Variants in TMEM117 observed in about 807,000 individuals in gnomAD.
TMEM117 encodes the protein transmembrane protein 117.
TMEM117 carries 27 observed loss-of-function variants against 52.4 expected under a neutral mutation model. That is an observed-to-expected ratio of 0.51 (90% CI 0.38 to 0.71). The LOEUF is 0.71. TMEM117 is among the 30% of genes least tolerant of loss of function. The pLI, the probability that TMEM117 is intolerant of heterozygous loss-of-function variation, is 0.00. For missense variants in TMEM117, 556 were observed against 630.5 expected (o/e 0.88, Z 1.26); for synonymous variants, 215 against 206.3 (o/e 1.04, Z -0.36).
chr12:44,043,789 C>A lies in TMEM117; in HGVS notation c.410+99447C>A, dbSNP rs1946838065. ...ACTTGAAAATAACTGTTTGAGTTCT[C>A]TAGTTTATATAAACAGAAATCTGGA... is the stretch of plus-strand genomic sequence containing the variant. On this transcript the variant is annotated intron_variant, in intron 3 of 7. Coordinates refer to ENST00000266534, the MANE Select transcript of TMEM117 (RefSeq NM_032256.3). Among the ~76,000 whole-genome samples, 3 of 152,076 alleles carry A rather than the reference C, an allele frequency of 2.0e-5. 1 individual carries two copies. The highest frequency in any genetic ancestry group is 4.2e-4 in the South Asian group (2 of 4,814).
chr12:43,866,662 A>G (rs1943605585), intron 2 of TMEM117, among the ~76,000 whole-genome samples: 1 of 152,272 alleles, frequency 6.6e-6, no homozygotes, highest in South Asian at 2.1e-4. Context: ...AGAAATGCTA[A>G]GGAAAGTTCT....
At chr12:44,047,143 A>G (rs1172878727) in intron 3 of TMEM117, among the ~76,000 whole-genome samples, 2 of 152,134 alleles carry the variant, frequency 1.3e-5, no homozygotes, top group African/African-American at 4.8e-5. Context: ...GTATATATAT[A>G]TAGTTCTATT....
chr12:44,186,315 AT>A, intron 4 of TMEM117, among the ~76,000 whole-genome samples: 1 of 152,290 alleles, frequency 6.6e-6, no homozygotes, highest in Middle Eastern at 3.4e-3. Flanking sequence ...TAATCAGAAG[AT>A]TTGTTTCCTC....
intron 3 of TMEM117, among the ~76,000 whole-genome samples, chr12:43,951,208 A>C (rs545517785): frequency 6.6e-6 from 1 of 152,210 alleles, no homozygotes; most frequent in African/African-American, 2.4e-5. Flanking sequence ...TCTCAAGCAC[A>C]AAACTGGGTG....
At chr12:44,094,691 A>G (rs990529534) in intron 3 of TMEM117, among the ~76,000 whole-genome samples, 1 of 151,780 alleles carries the variant, frequency 6.6e-6, no homozygotes, top group Non-Finnish European at 1.5e-5. Context: ...ATTATCACTA[A>G]GAAAATCCAC....
intron 2 of TMEM117, among the ~76,000 whole-genome samples, chr12:43,865,227 G>C (rs1472073709): frequency 6.6e-6 from 1 of 152,148 alleles, no homozygotes; most frequent in Non-Finnish European, 1.5e-5. Context: ...TTTTAGTGCT[G>C]TCTACTGCAG....
chr12:44,089,645 T>A (rs1947630266), intron 3 of TMEM117, among the ~76,000 whole-genome samples: 1 of 152,166 alleles, frequency 6.6e-6, no homozygotes, highest in Admixed American at 6.5e-5. Context: ...TTATCATGAA[T>A]CTATAATTCT....
intron 6 of TMEM117, among the ~76,000 whole-genome samples, chr12:44,319,172 C>T (rs969215166): frequency 4.6e-5 from 7 of 152,214 alleles, no homozygotes; most frequent in Non-Finnish European, 1.0e-4. Context: ...GACTATAATG[C>T]CTGCATGGCC....
At chr12:44,223,681 A>T (rs564506213) in intron 5 of TMEM117, among the ~76,000 whole-genome samples, 3 of 152,132 alleles carry the variant, frequency 2.0e-5, no homozygotes, top group Non-Finnish European at 4.4e-5. Flanking sequence ...TATATAAACT[A>T]TGAGTTTTTC....
intron 2 of TMEM117, among the ~76,000 whole-genome samples, chr12:43,866,028 AG>A (rs757965174): frequency 3.3e-5 from 5 of 151,910 alleles, no homozygotes; most frequent in Non-Finnish European, 7.3e-5. Flanking sequence ...TAGATGATCC[AG>A]AAGCTGGCAT....
chr12:44,245,722 G>A (rs1033440214), intron 5 of TMEM117, among the ~76,000 whole-genome samples: 2 of 151,802 alleles, frequency 1.3e-5, no homozygotes, highest in African/African-American at 4.8e-5. Flanking sequence ...AGCTTAGGGA[G>A]CAACTAACAA....
At chr12:43,951,862 G>C (rs1199633117) in intron 3 of TMEM117, among the ~76,000 whole-genome samples, 4 of 152,210 alleles carry the variant, frequency 2.6e-5, no homozygotes, top group African/African-American at 9.7e-5. Flanking sequence ...CCAAACAGGA[G>C]TCAGCAGACA....
chr12:43,895,160 A>G (rs77669492), intron 2 of TMEM117, among the ~76,000 whole-genome samples: 2,085 of 152,174 alleles, frequency 0.014, 34 homozygotes, highest in African/African-American at 0.048. Flanking sequence ...TCCACTCTCC[A>G]AAAGACCTTA....
intron 3 of TMEM117, among the ~76,000 whole-genome samples, chr12:44,103,718 G>A (rs905714204): frequency 1.3e-5 from 2 of 151,966 alleles, no homozygotes; most frequent in African/African-American, 2.4e-5. Context: ...ACAACTATGA[G>A]GTGACAAATG....
At chr12:43,806,104 C>A in the TMEM117 span, 3 of 1,522,332 alleles carry the variant, frequency 2.0e-6, no homozygotes, top group Non-Finnish European at 2.6e-6. Flanking sequence ...GCTCGCCCCG[C>A]GAGACCGACT....
At chr12:44,292,804 T>C (rs981092175) in intron 5 of TMEM117, among the ~76,000 whole-genome samples, 3 of 152,046 alleles carry the variant, frequency 2.0e-5, no homozygotes, top group African/African-American at 7.2e-5. Flanking sequence ...GGTTTCATAC[T>C]ATTGTGGTCA....
At position 44,376,724 on chromosome 12, in the gene TMEM117, G is replaced by A; in HGVS notation, c.898G>A (p.Gly300Ser). The A allele has an allele frequency of 6.3e-7, 1 of 1,597,600 alleles. No homozygotes were observed. The highest frequency in any genetic ancestry group is 8.5e-7 in the Non-Finnish European group (1 of 1,174,776). Residue 300 changes from glycine to serine, a missense_variant and splice_region_variant, in exon 7 of 8, where the codon GGC (glycine) becomes AGC (serine). By Grantham distance (56) the Gly-to-Ser change is moderately conservative (BLOSUM62 0). Around this residue, in one of 3 missense-constraint regions of TMEM117, gnomAD observed 328 missense variants for 371.4 expected, o/e 0.88. Transcript: ENST00000266534. Reference sequence around the variant, plus strand: ...GGAGGAATATCGTATTCACATAACAGGTGTGTTATATCTTTGAACACAATT... The same window carrying A: ...GGAGGAATATCGTATTCACATAACAAGTGTGTTATATCTTTGAACACAATT... Reference protein sequence around the residue: ...FKEEYRIHITGKWFNYGIIFL... With the variant: ...FKEEYRIHITSKWFNYGIIFL...
chr12:43,804,472 A>T, the TMEM117 span: 33 of 1,454,644 alleles, frequency 2.3e-5, no homozygotes, highest in Non-Finnish European at 3.0e-5. Context: ...GGAACAGAAA[A>T]TATTTTAAAA....
At chr12:44,196,080 A>G (rs1195257852) in intron 4 of TMEM117, among the ~76,000 whole-genome samples, 1 of 152,012 alleles carries the variant, frequency 6.6e-6, no homozygotes, top group African/African-American at 2.4e-5. Context: ...GAGCAAAACT[A>G]TGCCTCTTTA....
Sources: allele counts gnomAD v4.1 joint callset (sites outside exome capture counted in the v4.1 genomes callset), GRCh38; gene constraint gnomAD v4.1.1; regional missense constraint gnomAD v4.1.1; transcripts MANE v1.5; gene names NCBI Gene and HGNC (gene_info 2026-07-23, HGNC 2026-07-21).